PBX3: variants seen among roughly 807,000 people sequenced by gnomAD.
The protein encoded by PBX3 is PBX homeobox 3.
PBX3 carries 14 observed loss-of-function variants against 48.5 expected under a neutral mutation model. The observed-to-expected ratio is 0.29, with a 90% CI of 0.19 to 0.45. PBX3 has a LOEUF of 0.45. PBX3 is among the 20% of genes least tolerant of loss of function. The pLI is 1.00. For missense variants in PBX3, 386 were observed against 546.7 expected, an observed-to-expected ratio of 0.71 and a Z score of 2.93; for synonymous variants, 210 against 200.3, an observed-to-expected ratio of 1.05 and a Z score of -0.41.
At chr9:125,790,098 A>G (rs1437412648) in intron 2 of PBX3, among the ~76,000 whole-genome samples, 3 of 152,226 alleles carry the variant, frequency 2.0e-5, no homozygotes, top group African/African-American at 7.2e-5. Context: ...TAAGAGGAAT[A>G]ATGTAAGTGT....
Position 125,780,149 on chromosome 9 carries a change from C to T in PBX3, c.274+31526C>T, listed in dbSNP as rs544347958. The stretch of plus-strand genomic sequence containing the variant: ...CCCAGTAGGGGCGGCCGGGCAGAGG[C>T]GCCCCTCACCTCCCGGACGGGGCGG... On this transcript the variant is annotated intron_variant, in intron 2 of 8. Coordinates refer to ENST00000373489, the MANE Select transcript of PBX3 (RefSeq NM_006195.6). Among the ~76,000 whole-genome samples the T allele has an allele frequency of 4.3e-4, 57 of 133,936 alleles. No individual in the cohort carries two copies. In the South Asian group the frequency reaches 4.8e-3, roughly 11 times the overall value. The allele number at this position is 133,936 out of a possible 152,430, so 87.9% of individuals were successfully genotyped here. A position where few individuals can be genotyped will look rare whatever the true frequency, so the allele number is the denominator to read the frequency against.
intron 2 of PBX3, among the ~76,000 whole-genome samples, chr9:125,874,147 A>G (rs1052579201): frequency 2.6e-5 from 4 of 152,232 alleles, no homozygotes; most frequent in African/African-American, 9.6e-5. Flanking sequence ...TCCTGTCTCA[A>G]GAAGATACAG....
chr9:125,798,040 A>G (rs1382128061), intron 2 of PBX3, among the ~76,000 whole-genome samples: 3 of 152,122 alleles, frequency 2.0e-5, no homozygotes, highest in African/African-American at 7.2e-5. Context: ...TTTACAATGC[A>G]TTTCTGGGGA....
intron 7 of PBX3, 56 bp downstream of exon 7, chr9:125,962,270 C>A: frequency 1.0e-6 from 1 of 981,332 alleles, no homozygotes; most frequent in Non-Finnish European, 1.6e-6. Flanking sequence ...GGGCTCAAAA[C>A]TCCTTCCTCT....
chr9:125,929,924 A>C (rs1841678220), intron 4 of PBX3, 79 bp downstream of exon 4: 1 of 1,072,712 alleles, frequency 9.3e-7, no homozygotes, highest in Non-Finnish European at 1.4e-6. Flanking sequence ...AAAACTGACC[A>C]GTTGGTCTTA....
In PBX3 at chr9:125,939,005, A is replaced by T. The variant is rs796784741; in HGVS notation, c.843+3398A>T. 1.4e-3 allele frequency among the ~76,000 whole-genome samples: 207 copies of T among 152,170 alleles called. 1 individual carries two copies. The highest frequency in any genetic ancestry group is 4.7e-3 in the African/African-American group (196 of 41,532). ...TATGTGTGTGTGTGTGTATATAAACACACATACACACACACACACAGCATG... is the reference window on the plus strand; with the variant it reads ...TATGTGTGTGTGTGTGTATATAAACTCACATACACACACACACACAGCATG... On this transcript the variant is annotated intron_variant, in intron 5 of 8. Coordinates refer to ENST00000373489, the MANE Select transcript of PBX3 (RefSeq NM_006195.6).
Position 125,748,643 on chromosome 9 carries a change from A to C in PBX3, c.274+20A>C. 1 of 1,608,282 alleles carries C rather than the reference A, an allele frequency of 6.2e-7. No individual in the cohort carries two copies. The highest frequency in any genetic ancestry group is 8.5e-7 in the Non-Finnish European group (1 of 1,176,294). ...AAACAGGTAAGACGCTGCGCCCCGC[A>C]GTGGGCCTGGAGACCCCCGAGGTGG... On this transcript the variant is annotated intron_variant, in intron 2 of 8. Coordinates refer to ENST00000373489, the MANE Select transcript of PBX3 (RefSeq NM_006195.6).
At chr9:125,813,868 A>G (rs1374044957) in intron 2 of PBX3, among the ~76,000 whole-genome samples, 1 of 150,972 alleles carries the variant, frequency 6.6e-6, no homozygotes, top group Admixed American at 6.6e-5. Context: ...AAATACATAC[A>G]TAAACACGTA....
chr9:125,899,194 T>C (rs926959619), intron 2 of PBX3, among the ~76,000 whole-genome samples: 9 of 143,276 alleles, frequency 6.3e-5, no homozygotes, highest in African/African-American at 2.3e-4. Context: ...CTTTAGATGA[T>C]ATATATATTT....
intron 5 of PBX3, chr9:125,949,240 T>A: frequency 9.1e-7 from 1 of 1,101,910 alleles, no homozygotes; most frequent in East Asian, 2.6e-5. Context: ...ATGAGAATAA[T>A]GATAATTTGC....
intron 2 of PBX3, among the ~76,000 whole-genome samples, chr9:125,881,584 A>G (rs1300259398): frequency 6.6e-6 from 1 of 151,898 alleles, no homozygotes; most frequent in Non-Finnish European, 1.5e-5. Flanking sequence ...TTTAGTTTCC[A>G]AATTTTTATT....
At chr9:125,897,799 C>T (rs1265676258) in intron 2 of PBX3, among the ~76,000 whole-genome samples, 1 of 151,950 alleles carries the variant, frequency 6.6e-6, no homozygotes, top group South Asian at 2.1e-4. Context: ...ATTCTCATAG[C>T]GTCCTGTAAC....
intron 2 of PBX3, among the ~76,000 whole-genome samples, chr9:125,791,807 G>C (rs939252729): frequency 1.3e-5 from 2 of 151,916 alleles, no homozygotes; most frequent in African/African-American, 2.4e-5. Context: ...GTGGTGGCAG[G>C]CGCCTGTAGT....
At chr9:125,871,758 A>G (rs1840131317) in intron 2 of PBX3, among the ~76,000 whole-genome samples, 1 of 152,228 alleles carries the variant, frequency 6.6e-6, no homozygotes, top group South Asian at 2.1e-4. Context: ...ACTTTAAAAA[A>G]GCTTTAAAAT....
At chr9:125,782,934 G>A (rs1352372081) in intron 2 of PBX3, among the ~76,000 whole-genome samples, 1 of 151,812 alleles carries the variant, frequency 6.6e-6, no homozygotes, top group Non-Finnish European at 1.5e-5. Flanking sequence ...TAATCCTTTT[G>A]AAGATTCCTT....
intron 2 of PBX3, among the ~76,000 whole-genome samples, chr9:125,902,578 A>G (rs1285480603): frequency 6.6e-6 from 1 of 151,758 alleles, no homozygotes; most frequent in Non-Finnish European, 1.5e-5. Flanking sequence ...CATTTAAAAC[A>G]CGCACAATAC....
chr9:125,951,495 C>T (rs1842195448), intron 5 of PBX3, among the ~76,000 whole-genome samples: 1 of 152,128 alleles, frequency 6.6e-6, no homozygotes, highest in Middle Eastern at 3.2e-3. Context: ...GGGGTCCTGA[C>T]CTTAGGCACT....
intron 2 of PBX3, among the ~76,000 whole-genome samples, chr9:125,798,568 G>A (rs1837850934): frequency 6.6e-6 from 1 of 152,088 alleles, no homozygotes; most frequent in Admixed American, 6.6e-5. Flanking sequence ...AATGATTACT[G>A]AATAAAGGCA....
chr9:125,962,524 T>C (rs1842451580), intron 7 of PBX3, among the ~76,000 whole-genome samples: 1 of 152,266 alleles, frequency 6.6e-6, no homozygotes, highest in African/African-American at 2.4e-5. Flanking sequence ...GTGTATATGG[T>C]TTAAGAACAT....
Sources: gnomAD v4.1 joint callset for allele counts (sites outside exome capture counted in the v4.1 genomes callset) on GRCh38, gnomAD v4.1.1 for gene constraint, MANE v1.5 for transcripts, NCBI Gene and HGNC (gene_info 2026-07-23, HGNC 2026-07-21) for gene names.